Variants in TRABD2B observed in about 807,000 individuals in gnomAD.
TRABD2B encodes the protein metalloprotease TIKI2.
Under a neutral mutation model 40.1 loss-of-function variants are expected in TRABD2B, and 14 were observed. The ratio of observed to expected loss-of-function variants is 0.35; its 90% CI spans 0.23 to 0.55. The LOEUF is 0.55. Among genes scored for constraint, TRABD2B ranks in the 20% least tolerant of loss-of-function variants. The probability of loss-of-function intolerance (pLI) is 0.90; values close to 1 mark genes in which losing one functional copy is unlikely to be tolerated. For synonymous variants in TRABD2B, 263 were observed against 277.0 expected, an observed-to-expected ratio of 0.95 and a Z score of 0.50; for missense variants, 541 against 648.6, an observed-to-expected ratio of 0.83 and a Z score of 1.80.
At chr1:47,944,571 A>C (rs1181389605) in intron 2 of TRABD2B, among the ~76,000 whole-genome samples, 1 of 152,162 alleles carries the variant, frequency 6.6e-6, no homozygotes, top group Non-Finnish European at 1.5e-5. Context: ...GGAAGGAAGA[A>C]GGATCAGGTA....
chr1:47,937,404 A>G (rs1645127057), intron 2 of TRABD2B, among the ~76,000 whole-genome samples: 1 of 152,096 alleles, frequency 6.6e-6, no homozygotes, highest in Non-Finnish European at 1.5e-5. Flanking sequence ...CATCACCATC[A>G]TCACTACTAC....
intron 2 of TRABD2B, among the ~76,000 whole-genome samples, chr1:47,827,632 A>C (rs1645193763): frequency 6.6e-6 from 1 of 152,198 alleles, no homozygotes; most frequent in Admixed American, 6.5e-5. Flanking sequence ...AGGGAAAAAT[A>C]ATCAGAACAG....
chr1:47,947,315 C>T (rs764833602), intron 2 of TRABD2B, among the ~76,000 whole-genome samples: 4 of 152,120 alleles, frequency 2.6e-5, no homozygotes, highest in Admixed American at 6.6e-5. Flanking sequence ...CTTTCTCCCA[C>T]GTTAACAGCA....
intron 2 of TRABD2B, among the ~76,000 whole-genome samples, chr1:47,897,132 G>A (rs548447765): frequency 6.6e-6 from 1 of 152,302 alleles, no homozygotes; most frequent in East Asian, 1.9e-4. Flanking sequence ...AGCAGGAACA[G>A]GGGACAGGTG....
intron 2 of TRABD2B, among the ~76,000 whole-genome samples, chr1:47,880,052 GTAATCCCGGCA>G (rs1347278366): frequency 1.3e-5 from 2 of 152,256 alleles, no homozygotes; most frequent in African/African-American, 4.8e-5. Flanking sequence ...GCTCACGCCT[GTAATCCCGGCA>G]TTTTGGAAGG....
chr1:47,794,640 T>C lies in TRABD2B; in HGVS notation c.934A>G (p.Met312Val). 6.5e-7 allele frequency: 1 copy of C among 1,536,598 alleles called. No individual in the cohort carries two copies. Among genetic ancestry groups the C allele is most frequent in the Non-Finnish European group, 8.7e-7 (1 of 1,146,798 alleles). The change falls in exon 4 of 7, where the codon ATG becomes GTG. Residue 312 changes from methionine (M) to valine (V), a missense_variant. Coordinates refer to ENST00000606738, the MANE Select transcript of TRABD2B (RefSeq NM_001194986.2). ...TCCTCGTTCTCCCGTAGAAGCGCCA[T>C]GACCCTCTTCCCCATGCGCTCATTC... ...KRNERMGKRVMALLRENEDKI... is the reference protein window; with the variant it reads ...KRNERMGKRVVALLRENEDKI...
At chr1:47,849,436 A>G (rs1645517502) in intron 2 of TRABD2B, among the ~76,000 whole-genome samples, 1 of 152,194 alleles carries the variant, frequency 6.6e-6, no homozygotes, top group Non-Finnish European at 1.5e-5. Flanking sequence ...GAGGAAGTAC[A>G]TTCCTGTTGC....
intron 2 of TRABD2B, among the ~76,000 whole-genome samples, chr1:47,814,409 G>A (rs1182646511): frequency 6.6e-6 from 1 of 152,236 alleles, no homozygotes; most frequent in Admixed American, 6.5e-5. Context: ...GACACTGACT[G>A]TAGCAGGAGA....
At chr1:47,981,807 G>A (rs962817212) in intron 2 of TRABD2B, among the ~76,000 whole-genome samples, 2 of 152,230 alleles carry the variant, frequency 1.3e-5, no homozygotes, top group African/African-American at 4.8e-5. Flanking sequence ...AGAGCATAGA[G>A]CACCTGATGG....
At chr1:47,801,755 G>C (rs1644826699) in intron 2 of TRABD2B, 136 bp from the exon 3 acceptor site, 2 of 1,122,156 alleles carry the variant, frequency 1.8e-6, no homozygotes, top group South Asian at 3.4e-5. Context: ...GCACCAGCTG[G>C]CTCAGGCTGT....
chr1:47,770,517 A>G (rs1644364381), intron 6 of TRABD2B, among the ~76,000 whole-genome samples: 2 of 152,182 alleles, frequency 1.3e-5, no homozygotes, highest in Non-Finnish European at 2.9e-5. Context: ...ATAGCTTCAT[A>G]GCAGACCATA....
intron 2 of TRABD2B, among the ~76,000 whole-genome samples, chr1:47,976,408 A>G (rs1027123555): frequency 4.6e-5 from 7 of 152,076 alleles, no homozygotes; most frequent in Non-Finnish European, 1.0e-4. Context: ...TCATTTGTGT[A>G]CTTTGCATAC....
At chr1:47,856,959 C>T (rs1643898522) in intron 2 of TRABD2B, among the ~76,000 whole-genome samples, 2 of 152,214 alleles carry the variant, frequency 1.3e-5, no homozygotes, top group Admixed American at 1.3e-4. Context: ...ACTCAGAGCT[C>T]CTCCACAGCC....
At position 47,765,992 on chromosome 1, in the gene TRABD2B, G is replaced by GTTGTA; in HGVS notation, c.1463_1464insTACAA (p.Ser489ThrfsTer74). 1.4e-6 allele frequency: 1 copy of GTTGTA among 698,674 alleles called. No individual in the cohort carries two copies. Among genetic ancestry groups the GTTGTA allele is most frequent in the East Asian group, 2.7e-5 (1 of 37,252 alleles). 43.3% of individuals were successfully genotyped at this position (698,674 alleles called of 1,614,324 possible). A position where few individuals can be genotyped will look rare whatever the true frequency, so the allele number is the denominator to read the frequency against. ...GGCCCAGGGTGGGTGCCGAGCTGCT[G>GTTGTA]GCGGGCCCTGGCGGGTCCTGCTGTT... On this transcript the variant is annotated frameshift_variant, in exon 7 of 7. Transcript: ENST00000606738. LOFTEE classifies it low-confidence loss of function (END_TRUNC).
chr1:47,956,582 C>T (rs749956947), intron 2 of TRABD2B, among the ~76,000 whole-genome samples: 2 of 152,234 alleles, frequency 1.3e-5, no homozygotes, highest in Non-Finnish European at 2.9e-5. Context: ...TCAGAGGGTC[C>T]CATGCCCATA....
intron 2 of TRABD2B, among the ~76,000 whole-genome samples, chr1:47,853,102 G>A (rs1643845179): frequency 6.6e-6 from 1 of 152,166 alleles, no homozygotes; most frequent in Non-Finnish European, 1.5e-5. Flanking sequence ...GCTAAGCAGA[G>A]TGGCCACTGA....
chr1:47,830,284 C>T (rs1645231667), intron 2 of TRABD2B, among the ~76,000 whole-genome samples: 1 of 152,244 alleles, frequency 6.6e-6, no homozygotes, highest in South Asian at 2.1e-4. Flanking sequence ...TTGATGAACA[C>T]ATGAAAGACA....
At chr1:47,954,530 A>T (rs1307705344) in intron 2 of TRABD2B, among the ~76,000 whole-genome samples, 2 of 152,200 alleles carry the variant, frequency 1.3e-5, no homozygotes. Flanking sequence ...GGGCTTACAG[A>T]GGAGGGAATA....
At chr1:47,993,924 G>A in intron 2 of TRABD2B, 110 bp downstream of exon 2, 1 of 1,136,844 alleles carries the variant, frequency 8.8e-7, no homozygotes, top group Admixed American at 2.7e-5. Context: ...TCCAGAAAAA[G>A]GACCTGACTC....
Sources: allele counts gnomAD v4.1 joint callset (sites outside exome capture counted in the v4.1 genomes callset), GRCh38; gene constraint gnomAD v4.1.1; transcripts MANE v1.5; gene names NCBI Gene and HGNC (gene_info 2026-07-23, HGNC 2026-07-21).